MAGI2: variants seen among roughly 807,000 people sequenced by gnomAD.
MAGI2 encodes the protein membrane associated guanylate kinase, WW and PDZ domain containing 2.
Under a neutral mutation model 133.3 loss-of-function variants are expected in MAGI2, and 35 were observed. The observed-to-expected ratio is 0.26, with a 90% CI of 0.20 to 0.35. The LOEUF (loss-of-function observed/expected upper bound fraction) is 0.35. Among genes scored for constraint, MAGI2 ranks in the 10% least tolerant of loss-of-function variants. The probability of loss-of-function intolerance (pLI) is 1.00; values close to 1 mark genes in which losing one functional copy is unlikely to be tolerated. For synonymous variants in MAGI2, 729 were observed against 710.6 expected, an observed-to-expected ratio of 1.03 and a Z score of -0.41; for missense variants, 1,636 against 1,863.4, an observed-to-expected ratio of 0.88 and a Z score of 2.25.
At chr7:79,162,678 C>A (rs1239270668) in intron 1 of MAGI2, among the ~76,000 whole-genome samples, 2 of 152,042 alleles carry the variant, frequency 1.3e-5, no homozygotes, top group African/African-American at 2.4e-5. Flanking sequence ...TACCTTGCAA[C>A]AAAGCCTCCT....
At chr7:79,368,574 C>A (rs945988210) in intron 1 of MAGI2, among the ~76,000 whole-genome samples, 1 of 152,068 alleles carries the variant, frequency 6.6e-6, no homozygotes, top group African/African-American at 2.4e-5. Context: ...GTAGGCCAGG[C>A]GCGGTGGCTC....
At chr7:78,268,645 T>C (rs1303067379) in intron 9 of MAGI2, among the ~76,000 whole-genome samples, 2 of 152,188 alleles carry the variant, frequency 1.3e-5, no homozygotes, top group African/African-American at 4.8e-5. Context: ...TGTTTGTTTA[T>C]ATAAGCTTAT....
Position 79,168,889 on chromosome 7 carries a change from GATATATATAT to G in MAGI2, c.302-161693_302-161684del, listed in dbSNP as rs1182056135. Among the ~76,000 whole-genome samples the G allele has an allele frequency of 2.1e-3, 31 of 14,626 alleles. 1 individual carries two copies. Among genetic ancestry groups the G allele is most frequent in the South Asian group, 0.012 (10 of 826 alleles). The allele number at this position is 14,626 out of a possible 152,430, so 9.6% of individuals were successfully genotyped here. ...TGCCAGGTTTTTCTTTCTAAAGATAGATATATATATATATATATATATATATATATATATA... is the reference window on the plus strand; with the variant it reads ...TGCCAGGTTTTTCTTTCTAAAGATAGATATATATATATATATATATATATA... On this transcript the variant is annotated intron_variant, in intron 1 of 21. Transcript: ENST00000354212.
Position 79,324,487 on chromosome 7 carries a change from T to C in MAGI2, c.301+128533A>G, listed in dbSNP as rs13312584. On this transcript the variant is annotated intron_variant, in intron 1 of 21. Coordinates refer to ENST00000354212, the MANE Select transcript of MAGI2 (RefSeq NM_012301.4). ...GATACGTTGTGTGTGTATATATACA[T>C]ATATATACATATATACACATATAAC... Among the ~76,000 whole-genome samples, 420 of 50,552 alleles carry C rather than the reference T, an allele frequency of 8.3e-3. 107 individuals are homozygous for C. The East Asian group carries it at 0.13, about 16-fold the overall frequency. The allele number at this position is 50,552 out of a possible 152,430, so 33.2% of individuals were successfully genotyped here.
At chr7:78,086,219 CT>C (rs568492445) in intron 20 of MAGI2, among the ~76,000 whole-genome samples, 3,435 of 134,530 alleles carry the variant, frequency 0.026, 132 homozygotes, top group African/African-American at 0.086. Flanking sequence ...TTCTAGGGCT[CT>C]TTTTTTTTTT....
At chr7:78,176,908 G>GACACACACACACACACACACAC (rs200781303) in intron 14 of MAGI2, among the ~76,000 whole-genome samples, 19 of 130,484 alleles carry the variant, frequency 1.5e-4, no homozygotes, top group South Asian at 1.0e-3. Context: ...ACCATATATA[G>GACACACACACACACACACACAC]ACACACACAC....
intron 9 of MAGI2, among the ~76,000 whole-genome samples, chr7:78,305,906 T>C (rs1039627516): frequency 1.3e-5 from 2 of 152,198 alleles, no homozygotes; most frequent in African/African-American, 4.8e-5. Flanking sequence ...GAAAAAATAC[T>C]TGCTGGTAAC....
chr7:78,578,179 T>C (rs933954884), intron 3 of MAGI2, among the ~76,000 whole-genome samples: 1 of 152,142 alleles, frequency 6.6e-6, no homozygotes, highest in Admixed American at 6.5e-5. Context: ...TAATCTTTTA[T>C]TCTGGTTGTA....
intron 1 of MAGI2, among the ~76,000 whole-genome samples, chr7:79,056,902 A>G (rs1041025215): frequency 3.3e-5 from 5 of 152,208 alleles, no homozygotes; most frequent in African/African-American, 1.2e-4. Context: ...ATTCTGCCTC[A>G]TATTTCCTGA....
chr7:78,628,385 A>G (rs1002579147), intron 2 of MAGI2, among the ~76,000 whole-genome samples: 3 of 152,152 alleles, frequency 2.0e-5, no homozygotes, highest in African/African-American at 7.2e-5. Context: ...AAAGTATTTT[A>G]AATCCTTAAA....
chr7:79,253,935 AAG>A (rs1833503283), intron 1 of MAGI2, among the ~76,000 whole-genome samples: 2 of 152,168 alleles, frequency 1.3e-5, no homozygotes, highest in Non-Finnish European at 1.5e-5. Context: ...ACTGGATCTA[AAG>A]ATATTTATCA....
intron 1 of MAGI2, among the ~76,000 whole-genome samples, chr7:79,155,507 G>T (rs1402952185): frequency 6.6e-6 from 1 of 152,066 alleles, no homozygotes; most frequent in Non-Finnish European, 1.5e-5. Context: ...GAACACCATG[G>T]TTCCATAAGC....
intron 2 of MAGI2, among the ~76,000 whole-genome samples, chr7:78,872,798 G>A (rs1338105309): frequency 6.6e-6 from 1 of 151,992 alleles, no homozygotes; most frequent in African/African-American, 2.4e-5. Flanking sequence ...CTTAACATAA[G>A]AGAAGTATCT....
chr7:78,631,297 A>G (rs1289530561), intron 2 of MAGI2, among the ~76,000 whole-genome samples: 1 of 151,956 alleles, frequency 6.6e-6, no homozygotes, highest in East Asian at 1.9e-4. Context: ...CCCATCTCCA[A>G]ATATTTGGCA....
intron 1 of MAGI2, among the ~76,000 whole-genome samples, chr7:79,151,867 G>A (rs912819918): frequency 1.3e-5 from 2 of 148,762 alleles, no homozygotes; most frequent in Non-Finnish European, 3.0e-5. Context: ...TCCCCTTTTA[G>A]ATGCCTTACC....
At chr7:79,093,750 T>C (rs1220290517) in intron 1 of MAGI2, among the ~76,000 whole-genome samples, 1 of 150,248 alleles carries the variant, frequency 6.7e-6, no homozygotes, top group Non-Finnish European at 1.5e-5. Flanking sequence ...GTTTTGTTCT[T>C]GTTGCCCAGG....
intron 6 of MAGI2, among the ~76,000 whole-genome samples, chr7:78,390,488 A>T (rs1297687536): frequency 6.6e-6 from 1 of 152,156 alleles, no homozygotes; most frequent in Non-Finnish European, 1.5e-5. Flanking sequence ...AAAGGGGTCC[A>T]TCGTATAGTT....
At chr7:79,337,599 G>T (rs1191886476) in intron 1 of MAGI2, among the ~76,000 whole-genome samples, 1 of 152,126 alleles carries the variant, frequency 6.6e-6, no homozygotes, top group Non-Finnish European at 1.5e-5. Context: ...AATGAAAAGT[G>T]ATGATTTTAA....
Position 78,489,882 on chromosome 7 carries a change from A to T in MAGI2, c.966-42T>A, listed in dbSNP as rs1990577. 77 of 1,435,946 alleles carry T rather than the reference A, an allele frequency of 5.4e-5. No homozygotes were observed. The Middle Eastern group carries it at 7.2e-4, about 13-fold the overall frequency. The allele number at this position is 1,435,946 out of a possible 1,614,324, so 89.0% of individuals were successfully genotyped here. ...TCACTCTGAACAGACACATACTAAA[A>T]GGAATCAAGTTTATTCCTTAAGAAA... On this transcript the variant is annotated intron_variant, in intron 5 of 21. Transcript: ENST00000354212.
Sources: allele counts gnomAD v4.1 joint callset (sites outside exome capture counted in the v4.1 genomes callset), GRCh38; gene constraint gnomAD v4.1.1; transcripts MANE v1.5; gene names NCBI Gene and HGNC (gene_info 2026-07-23, HGNC 2026-07-21).